The following ATL1 variants were observed in gnomAD, a reference collection of about 807,000 sequenced individuals.
The protein encoded by ATL1 is atlastin-1.
In ATL1, 31 loss-of-function variants were observed where a neutral mutation model predicts 75.5. The ratio of observed to expected loss-of-function variants is 0.41; its 90% CI spans 0.31 to 0.55. The LOEUF (loss-of-function observed/expected upper bound fraction) is 0.55. Ranked by LOEUF, ATL1 falls within the 20% of genes least tolerant of loss-of-function variation. The probability of loss-of-function intolerance (pLI) is 0.27; values close to 1 mark genes in which losing one functional copy is unlikely to be tolerated. For missense variants in ATL1, 405 were observed against 662.6 expected (o/e 0.61, Z 4.27); for synonymous variants, 226 against 233.3 (o/e 0.97, Z 0.28).
intron 6 of ATL1, among the ~76,000 whole-genome samples, chr14:50,613,056 T>C (rs2039381011): frequency 6.6e-6 from 1 of 152,134 alleles, no homozygotes; most frequent in South Asian, 2.1e-4. Context: ...CAGCCTTCTG[T>C]TCACATTTAA....
chr14:50,552,289 A>T (rs2038712283), intron 1 of ATL1, among the ~76,000 whole-genome samples: 1 of 152,218 alleles, frequency 6.6e-6, no homozygotes, highest in African/African-American at 2.4e-5. Context: ...ATTAAATAAA[A>T]TACTTAGGAA....
intron 6 of ATL1, among the ~76,000 whole-genome samples, chr14:50,599,759 T>C (rs1166568526): frequency 6.6e-6 from 1 of 152,074 alleles, no homozygotes; most frequent in African/African-American, 2.4e-5. Context: ...TAATATATAT[T>C]AAAGTGAATG....
chr14:50,537,459 A>G (rs777817795), intron 1 of ATL1, among the ~76,000 whole-genome samples: 6 of 152,190 alleles, frequency 3.9e-5, no homozygotes, highest in Non-Finnish European at 8.8e-5. Flanking sequence ...CAGAGTTCCT[A>G]CTGAGGTACT....
chr14:50,610,694 T>G (rs1368367109), intron 6 of ATL1, among the ~76,000 whole-genome samples: 1 of 152,094 alleles, frequency 6.6e-6, no homozygotes, highest in Non-Finnish European at 1.5e-5. Context: ...AATGAGAAAA[T>G]GATTTATTCA....
chr14:50,629,949 A>T, intron 12 of ATL1, 46 bp from the exon 13 acceptor site: 1 of 1,458,344 alleles, frequency 6.9e-7, no homozygotes, highest in Non-Finnish European at 9.4e-7. Context: ...TTAATAAAGC[A>T]GGATATATAC....
At chr14:50,539,683 G>A (rs2038536967) in intron 1 of ATL1, among the ~76,000 whole-genome samples, 1 of 152,202 alleles carries the variant, frequency 6.6e-6, no homozygotes, top group South Asian at 2.1e-4. Context: ...TAGCCCTAAT[G>A]GGGAAGTACA....
intron 6 of ATL1, among the ~76,000 whole-genome samples, chr14:50,603,584 T>C (rs1430825691): frequency 6.6e-6 from 1 of 152,242 alleles, no homozygotes; most frequent in Non-Finnish European, 1.5e-5. Flanking sequence ...GGAATTATTT[T>C]ACTCTAGTTT....
chr14:50,585,224 C>T (rs2039090744), intron 1 of ATL1, among the ~76,000 whole-genome samples: 1 of 152,178 alleles, frequency 6.6e-6, no homozygotes, highest in African/African-American at 2.4e-5. Flanking sequence ...GACAATTTTG[C>T]TCCATGTTTT....
At chr14:50,585,594 G>A (rs1307834218) in intron 1 of ATL1, among the ~76,000 whole-genome samples, 2 of 152,178 alleles carry the variant, frequency 1.3e-5, no homozygotes, top group East Asian at 3.8e-4. Flanking sequence ...CATTCATTAA[G>A]CATGTACTAT....
intron 1 of ATL1, among the ~76,000 whole-genome samples, chr14:50,547,397 T>C (rs2038646915): frequency 6.6e-6 from 1 of 152,168 alleles, no homozygotes; most frequent in Non-Finnish European, 1.5e-5. Context: ...AAATCTGTTA[T>C]GTAGGGGAAG....
chr14:50,598,515 C>T (rs2039242585), intron 6 of ATL1, among the ~76,000 whole-genome samples: 1 of 152,020 alleles, frequency 6.6e-6, no homozygotes, highest in Admixed American at 6.5e-5. Flanking sequence ...TGCCCGCCAT[C>T]ATGCCCAGCT....
At position 50,632,981 on chromosome 14, in the gene ATL1, C is replaced by T. The variant is rs982135449; in HGVS notation, c.*642C>T. ...TTTGGTACACAAAGAATGTATTCTT[C>T]ATAGGTTTATTCTTTTAATATGTGA... On this transcript the variant is annotated 3_prime_UTR_variant, in exon 14 of 14. Transcript: ENST00000358385. The T allele has an allele frequency of 6.6e-6, 1 of 152,128 alleles. No homozygotes were observed. Among genetic ancestry groups the T allele is most frequent in the African/African-American group, 2.4e-5 (1 of 41,436 alleles). 9.4% of individuals were successfully genotyped at this position (152,128 alleles called of 1,614,324 possible). A position where few individuals can be genotyped will look rare whatever the true frequency, so the allele number is the denominator to read the frequency against.
At chr14:50,600,480 T>C (rs1426723985) in intron 6 of ATL1, among the ~76,000 whole-genome samples, 1 of 152,188 alleles carries the variant, frequency 6.6e-6, no homozygotes, top group Non-Finnish European at 1.5e-5. Context: ...AGTTATTTTA[T>C]AGTATTTTAG....
upstream of ATL1, among the ~76,000 whole-genome samples, chr14:50,558,549 T>G (rs1214355411): frequency 6.6e-6 from 1 of 152,228 alleles, no homozygotes; most frequent in Non-Finnish European, 1.5e-5. Context: ...AGTCTCAAAG[T>G]ATTCACCTGC....
At chr14:50,594,328 C>T (rs555909910) in intron 5 of ATL1, among the ~76,000 whole-genome samples, 4 of 152,264 alleles carry the variant, frequency 2.6e-5, no homozygotes, top group Middle Eastern at 3.4e-3. Flanking sequence ...CCTGGTCTCT[C>T]CCTTGACACG....
intron 1 of ATL1, among the ~76,000 whole-genome samples, chr14:50,540,112 G>A (rs1262773162): frequency 6.6e-6 from 1 of 152,206 alleles, no homozygotes; most frequent in Non-Finnish European, 1.5e-5. Context: ...TGGGATCCAT[G>A]ATTTTATATC....
intron 12 of ATL1, 127 bp downstream of exon 12, chr14:50,628,589 T>C (rs2039546178): frequency 1.1e-6 from 1 of 939,302 alleles, no homozygotes; most frequent in African/African-American, 1.6e-5. Context: ...AAGAATGTTA[T>C]GACCTGCCCA....
At chr14:50,534,316 G>A (rs1170859556) in intron 1 of ATL1, among the ~76,000 whole-genome samples, 4 of 152,204 alleles carry the variant, frequency 2.6e-5, no homozygotes, top group Admixed American at 6.5e-5. Flanking sequence ...AACCAGAACA[G>A]TGTGACAAAT....
At chr14:50,622,573 G>T (rs1312642406) in intron 10 of ATL1, among the ~76,000 whole-genome samples, 1 of 152,102 alleles carries the variant, frequency 6.6e-6, no homozygotes, top group Non-Finnish European at 1.5e-5. Context: ...GGCTGAGGCA[G>T]GAGAATTGCT....
Sources: gnomAD v4.1 joint callset for allele counts (sites outside exome capture counted in the v4.1 genomes callset) on GRCh38, gnomAD v4.1.1 for gene constraint, MANE v1.5 for transcripts, NCBI Gene and HGNC (gene_info 2026-07-23, HGNC 2026-07-21) for gene names.